The following PDSS2 variants were observed in gnomAD, a reference collection of about 807,000 sequenced individuals.
The protein encoded by PDSS2 is decaprenyl diphosphate synthase subunit 2.
A neutral mutation model predicts 44.5 loss-of-function variants in PDSS2; 31 were observed. The ratio of observed to expected loss-of-function variants is 0.70; its 90% CI spans 0.52 to 0.94. The LOEUF (loss-of-function observed/expected upper bound fraction) is 0.94, where lower values mean the gene tolerates loss of function less well. PDSS2 is among the 40% of genes least tolerant of loss of function. PDSS2 has a pLI of 0.00. For missense variants in PDSS2, 452 were observed against 482.2 expected, an observed-to-expected ratio of 0.94 and a Z score of 0.59; for synonymous variants, 157 against 180.3, an observed-to-expected ratio of 0.87 and a Z score of 1.03.
intron 4 of PDSS2, among the ~76,000 whole-genome samples, chr6:107,222,981 C>G (rs947549287): frequency 6.6e-6 from 1 of 150,646 alleles, no homozygotes; most frequent in African/African-American, 2.4e-5. Context: ...TGGAGTATCA[C>G]CCTGTCACCC....
intron 1 of PDSS2, among the ~76,000 whole-genome samples, chr6:107,429,694 G>A (rs1314876652): frequency 3.3e-5 from 5 of 151,406 alleles, no homozygotes; most frequent in Non-Finnish European, 7.4e-5. Flanking sequence ...AGACCAGCCT[G>A]ACCAACATGG....
At chr6:107,348,765 T>C (rs1020146900) in intron 1 of PDSS2, among the ~76,000 whole-genome samples, 1 of 152,236 alleles carries the variant, frequency 6.6e-6, no homozygotes, top group African/African-American at 2.4e-5. Flanking sequence ...AGCGACTCAA[T>C]GTTGGCCACT....
At chr6:107,449,198 C>T (rs1221750620) in intron 1 of PDSS2, among the ~76,000 whole-genome samples, 1 of 152,224 alleles carries the variant, frequency 6.6e-6, no homozygotes, top group Non-Finnish European at 1.5e-5. Context: ...TTACTATTCT[C>T]CATCTCCACA....
intron 2 of PDSS2, among the ~76,000 whole-genome samples, chr6:107,318,497 G>C (rs1454202416): frequency 1.3e-5 from 2 of 151,298 alleles, no homozygotes; most frequent in Non-Finnish European, 2.9e-5. Context: ...CTGTTGTAAT[G>C]GTTAGCTTAA....
intron 4 of PDSS2, among the ~76,000 whole-genome samples, chr6:107,222,035 T>C (rs1562386700): frequency 6.6e-6 from 1 of 152,246 alleles, no homozygotes; most frequent in Non-Finnish European, 1.5e-5. Context: ...TCTGGGTCAC[T>C]ATCTTTATAA....
At chr6:107,396,209 T>C (rs1296965078) in intron 1 of PDSS2, among the ~76,000 whole-genome samples, 3 of 152,164 alleles carry the variant, frequency 2.0e-5, no homozygotes, top group Non-Finnish European at 2.9e-5. Flanking sequence ...CTAAACAGAT[T>C]ATCTAGAACT....
At chr6:107,378,829 T>C (rs527763105) in intron 1 of PDSS2, among the ~76,000 whole-genome samples, 1 of 152,352 alleles carries the variant, frequency 6.6e-6, no homozygotes, top group African/African-American at 2.4e-5. Context: ...CTGAAATTTG[T>C]CTTTTTCCCT....
At chr6:107,230,420 C>A (rs1260190557) in intron 4 of PDSS2, among the ~76,000 whole-genome samples, 1 of 152,120 alleles carries the variant, frequency 6.6e-6, no homozygotes, top group African/African-American at 2.4e-5. Context: ...TCCCTAATCT[C>A]ACGCTTGGCC....
At chr6:107,310,554 C>T (rs1045372442) in intron 2 of PDSS2, among the ~76,000 whole-genome samples, 108 of 152,294 alleles carry the variant, frequency 7.1e-4, no homozygotes, top group African/African-American at 2.5e-3. Context: ...CCTTCCATCC[C>T]ATTCAGCGTC....
At chr6:107,451,717 C>T (rs1286443705) in intron 1 of PDSS2, among the ~76,000 whole-genome samples, 1 of 152,176 alleles carries the variant, frequency 6.6e-6, no homozygotes, top group Admixed American at 6.5e-5. Context: ...ATGTCCTCAC[C>T]ACCTGCTTCT....
chr6:107,410,704 T>G (rs990653045), intron 1 of PDSS2, among the ~76,000 whole-genome samples: 2 of 152,090 alleles, frequency 1.3e-5, no homozygotes, highest in Non-Finnish European at 2.9e-5. Context: ...GCCAGGCTGG[T>G]CTCAAGCTCC....
rs546648545 is a variant in PDSS2, at chr6:107,311,532, TG to T, written c.431+22665del. On this transcript the variant is annotated intron_variant, in intron 2 of 7. Transcript: ENST00000369037. ...CTTCAATCAGCACATTTTAATATTT[TG>T]TTTTTTTCTCCTCTAAAGGACAATT... Among the ~76,000 whole-genome samples the T allele has an allele frequency of 2.6e-4, 39 of 152,282 alleles. 1 individual carries two copies. The East Asian group carries it at 6.9e-3, about 27-fold the overall frequency.
At chr6:107,413,601 A>C (rs1231578995) in intron 1 of PDSS2, among the ~76,000 whole-genome samples, 1 of 152,156 alleles carries the variant, frequency 6.6e-6, no homozygotes, top group Non-Finnish European at 1.5e-5. Flanking sequence ...AGTAGCTGGG[A>C]TTACAGATGT....
At chr6:107,405,155 C>T (rs890609012) in intron 1 of PDSS2, among the ~76,000 whole-genome samples, 3 of 149,994 alleles carry the variant, frequency 2.0e-5, no homozygotes, top group African/African-American at 7.3e-5. Context: ...AAAAAAAAAA[C>T]TGTCAACTAC....
chr6:107,177,853 A>G (rs1277769595), intron 7 of PDSS2, among the ~76,000 whole-genome samples: 1 of 152,220 alleles, frequency 6.6e-6, no homozygotes, highest in Non-Finnish European at 1.5e-5. Context: ...CATGACAAAT[A>G]CTAAGCTGGT....
chr6:107,255,960 G>C (rs1206726876), intron 3 of PDSS2, among the ~76,000 whole-genome samples: 1 of 152,132 alleles, frequency 6.6e-6, no homozygotes, highest in South Asian at 2.1e-4. Flanking sequence ...TTGTAGGCTT[G>C]TATCAATAAT....
intron 7 of PDSS2, among the ~76,000 whole-genome samples, chr6:107,177,110 G>T (rs1490594464): frequency 1.4e-5 from 2 of 148,090 alleles, no homozygotes; most frequent in African/African-American, 5.0e-5. Context: ...ACATGTATCT[G>T]CTGAAACACG....
intron 6 of PDSS2, 33 bp from the exon 7 acceptor site, chr6:107,193,887 C>T: frequency 6.9e-7 from 1 of 1,455,510 alleles, no homozygotes; most frequent in South Asian, 1.1e-5. Flanking sequence ...TAATTTGTTA[C>T]TTCTCTAAAA....
At chr6:107,400,480 C>T (rs553877778) in intron 1 of PDSS2, among the ~76,000 whole-genome samples, 6 of 152,202 alleles carry the variant, frequency 3.9e-5, no homozygotes, top group South Asian at 4.1e-4. Context: ...GCCTGGGGGC[C>T]GCAGTTTTTG....
Sources: allele counts gnomAD v4.1 joint callset (sites outside exome capture counted in the v4.1 genomes callset), GRCh38; gene constraint gnomAD v4.1.1; transcripts MANE v1.5; gene names NCBI Gene and HGNC (gene_info 2026-07-23, HGNC 2026-07-21).